The following COMMD10 variants were observed in gnomAD, a reference collection of about 807,000 sequenced individuals.
COMMD10 encodes COMM domain containing 10.
COMMD10 carries 33 observed loss-of-function variants against 28.9 expected under a neutral mutation model. The observed-to-expected ratio is 1.14, with a 90% CI of 0.87 to 1.53. The LOEUF is 1.53. COMMD10 is among the 40% of genes most tolerant of loss of function. The pLI, the probability that COMMD10 is intolerant of heterozygous loss-of-function variation, is 0.00. For synonymous variants in COMMD10, 110 were observed against 81.7 expected (o/e 1.35, Z -1.87); for missense variants, 310 against 233.4 (o/e 1.33, Z -2.14).
Position 116,134,088 on chromosome 5 carries a change from G to A in COMMD10, c.420G>A (p.Gln140=). The change falls in exon 5 of 7, where the codon CAG becomes CAA. Residue 140 remains glutamine, a synonymous_variant. Transcript: ENST00000274458. ...APCKLETVGW[Q]LNLQMAHSAQ... ...TATAGCTAGAGACCGTTGGATGGCAGCTTAACCTTCAGATGGCTCACTCTG... is the reference window on the plus strand; with the variant it reads ...TATAGCTAGAGACCGTTGGATGGCAACTTAACCTTCAGATGGCTCACTCTG... 1 of 1,607,134 alleles carries A rather than the reference G, an allele frequency of 6.2e-7. No individual in the cohort carries two copies. Among genetic ancestry groups the A allele is most frequent in the Non-Finnish European group, 8.5e-7 (1 of 1,173,548 alleles).
chr5:116,134,811 T>C lies in COMMD10; in HGVS notation c.510+633T>C, dbSNP rs548213932. Among the ~76,000 whole-genome samples, 6 of 152,096 alleles carry C rather than the reference T, an allele frequency of 3.9e-5. No homozygotes were observed. In the South Asian group the frequency reaches 1.0e-3, roughly 26 times the overall value. On this transcript the variant is annotated intron_variant, in intron 5 of 6. Coordinates refer to ENST00000274458, the MANE Select transcript of COMMD10 (RefSeq NM_016144.4). ...TAATTTTTTGTATTTTTAGTAGAGA[T>C]GGGGTTTCACCGTGTTAGCCAGGAT... is the stretch of plus-strand genomic sequence containing the variant.
chr5:116,171,196 A>T (rs1753318925), intron 5 of COMMD10, among the ~76,000 whole-genome samples: 1 of 152,218 alleles, frequency 6.6e-6, no homozygotes, highest in Non-Finnish European at 1.5e-5. Context: ...TTAAAAGAAG[A>T]CATTTATGCA....
At chr5:116,144,811 G>T (rs965106112) in intron 5 of COMMD10, among the ~76,000 whole-genome samples, 4 of 151,830 alleles carry the variant, frequency 2.6e-5, no homozygotes, top group African/African-American at 9.7e-5. Context: ...AGTGATACAG[G>T]TAACTTTCGG....
At chr5:116,087,437 A>G in intron 1 of COMMD10, 60 bp from the exon 2 acceptor site, 2 of 967,796 alleles carry the variant, frequency 2.1e-6, no homozygotes, top group Non-Finnish European at 1.7e-6. Flanking sequence ...AGACAACTAT[A>G]GAAAGTGCAG....
intron 5 of COMMD10, among the ~76,000 whole-genome samples, chr5:116,266,146 G>A (rs1443395462): frequency 6.6e-6 from 1 of 151,614 alleles, no homozygotes; most frequent in Non-Finnish European, 1.5e-5. Flanking sequence ...TCTCCTTAAG[G>A]GGGCAATGAG....
At chr5:116,273,070 C>CT (rs1750801738) in intron 5 of COMMD10, among the ~76,000 whole-genome samples, 1 of 151,822 alleles carries the variant, frequency 6.6e-6, no homozygotes, top group Non-Finnish European at 1.5e-5. Flanking sequence ...CACAATTCAT[C>CT]TTAAATGTGA....
intron 5 of COMMD10, among the ~76,000 whole-genome samples, chr5:116,195,621 A>G (rs185211253): frequency 2.0e-5 from 3 of 152,290 alleles, no homozygotes; most frequent in Non-Finnish European, 2.9e-5. Context: ...AAAGACCTCT[A>G]CAAGAAAAAC....
chr5:116,188,279 G>T (rs910834998), intron 5 of COMMD10, among the ~76,000 whole-genome samples: 1 of 152,106 alleles, frequency 6.6e-6, no homozygotes, highest in East Asian at 1.9e-4. Flanking sequence ...TTGACTTAAA[G>T]TATGTTCTAC....
intron 4 of COMMD10, among the ~76,000 whole-genome samples, chr5:116,112,802 T>G (rs1561607357): frequency 6.6e-6 from 1 of 152,222 alleles, no homozygotes; most frequent in Non-Finnish European, 1.5e-5. Context: ...TCATATTGTT[T>G]TTTTCATCAT....
At chr5:116,281,991 A>G (rs923261360) in intron 5 of COMMD10, among the ~76,000 whole-genome samples, 6 of 151,894 alleles carry the variant, frequency 4.0e-5, no homozygotes, top group South Asian at 4.1e-4. Context: ...AATATCATCA[A>G]TATATCAGTG....
At chr5:116,265,864 C>A (rs1384189012) in intron 5 of COMMD10, among the ~76,000 whole-genome samples, 1 of 151,734 alleles carries the variant, frequency 6.6e-6, no homozygotes, top group African/African-American at 2.4e-5. Flanking sequence ...AACCACTGTG[C>A]TATACTAAAA....
intron 5 of COMMD10, among the ~76,000 whole-genome samples, chr5:116,176,135 A>T (rs1753502105): frequency 1.3e-5 from 2 of 152,058 alleles, no homozygotes; most frequent in Non-Finnish European, 2.9e-5. Context: ...ATTTGTTGAG[A>T]TAGATTGTCT....
chr5:116,238,116 G>A (rs919234830), intron 5 of COMMD10, among the ~76,000 whole-genome samples: 4 of 152,076 alleles, frequency 2.6e-5, no homozygotes, highest in South Asian at 2.1e-4. Context: ...GGAGGCCATC[G>A]CCTTGAACTG....
chr5:116,191,716 C>T (rs901043243), intron 5 of COMMD10, among the ~76,000 whole-genome samples: 32 of 151,900 alleles, frequency 2.1e-4, no homozygotes, highest in Non-Finnish European at 1.6e-4. Context: ...ACCCTAGTAG[C>T]GGAAGACAGA....
intron 5 of COMMD10, among the ~76,000 whole-genome samples, chr5:116,138,739 T>C (rs1273893074): frequency 2.0e-5 from 3 of 151,778 alleles, no homozygotes; most frequent in Non-Finnish European, 4.4e-5. Context: ...GTAGAAGTAA[T>C]TATGATTTTG....
At chr5:116,165,736 C>G (rs1203056414) in intron 5 of COMMD10, among the ~76,000 whole-genome samples, 1 of 152,012 alleles carries the variant, frequency 6.6e-6, no homozygotes, top group Non-Finnish European at 1.5e-5. Flanking sequence ...ATCTAGTCTT[C>G]AGAGAGATGG....
intron 2 of COMMD10, among the ~76,000 whole-genome samples, chr5:116,090,188 A>G (rs1179686342): frequency 6.6e-6 from 1 of 152,232 alleles, no homozygotes; most frequent in African/African-American, 2.4e-5. Flanking sequence ...ATGCCAGATT[A>G]TGGATCTGGG....
chr5:116,254,843 TG>T (rs1457643906), intron 5 of COMMD10, among the ~76,000 whole-genome samples: 1 of 151,460 alleles, frequency 6.6e-6, no homozygotes, highest in Non-Finnish European at 1.5e-5. Flanking sequence ...GTTCAATTCC[TG>T]GGTATCCTTG....
chr5:116,121,663 TGATC>T (rs1398947961), intron 4 of COMMD10, among the ~76,000 whole-genome samples: 3 of 152,226 alleles, frequency 2.0e-5, no homozygotes, highest in African/African-American at 7.2e-5. Flanking sequence ...GACTTTTTAA[TGATC>T]GCCATTCTAA....
Sources: gnomAD v4.1 joint callset for allele counts (sites outside exome capture counted in the v4.1 genomes callset) on GRCh38, gnomAD v4.1.1 for gene constraint, MANE v1.5 for transcripts, NCBI Gene and HGNC (gene_info 2026-07-23, HGNC 2026-07-21) for gene names.